DIP2B: variants seen among roughly 807,000 people sequenced by gnomAD.
DIP2B encodes the protein disco-interacting protein 2 homolog B.
Under a neutral mutation model 198.0 loss-of-function variants are expected in DIP2B, and 76 were observed. That is an observed-to-expected ratio of 0.38 (90% confidence interval 0.32 to 0.46). The LOEUF (loss-of-function observed/expected upper bound fraction) is 0.46, where lower values mean the gene tolerates loss of function less well. Ranked by LOEUF, DIP2B falls within the 20% of genes least tolerant of loss-of-function variation. DIP2B has a pLI of 0.99. For synonymous variants in DIP2B, 701 were observed against 739.1 expected (o/e 0.95, Z 0.84); for missense variants, 1,559 against 1,978.4 (o/e 0.79, Z 4.02).
intron 1 of DIP2B, among the ~76,000 whole-genome samples, chr12:50,603,772 G>T (rs1958958956): frequency 6.6e-6 from 1 of 152,184 alleles, no homozygotes; most frequent in Non-Finnish European, 1.5e-5. Flanking sequence ...GCAGAGAAGA[G>T]AAGGGAGAGG....
At chr12:50,653,321 T>A (rs1277172598) in intron 3 of DIP2B, among the ~76,000 whole-genome samples, 1 of 140,416 alleles carries the variant, frequency 7.1e-6, no homozygotes, top group Admixed American at 7.3e-5. Flanking sequence ...CATAGTAGTC[T>A]TTCTTTCTTT....
At chr12:50,620,046 T>C (rs1937778736) in intron 1 of DIP2B, among the ~76,000 whole-genome samples, 1 of 152,176 alleles carries the variant, frequency 6.6e-6, no homozygotes, top group South Asian at 2.1e-4. Context: ...AGACCCTGTC[T>C]TAGAAAAAGA....
At chr12:50,629,805 T>A (rs1193796918) in intron 2 of DIP2B, among the ~76,000 whole-genome samples, 1 of 152,130 alleles carries the variant, frequency 6.6e-6, no homozygotes. Flanking sequence ...TTTTCTCTTT[T>A]GAGTGAATAC....
intron 2 of DIP2B, among the ~76,000 whole-genome samples, chr12:50,639,090 A>T (rs1593677510): frequency 1.4e-5 from 2 of 139,138 alleles, no homozygotes; most frequent in African/African-American, 2.7e-5. Context: ...AGTCTCCACA[A>T]TTTTTTTTTT....
At chr12:50,518,944 T>C (rs1018031879) in intron 1 of DIP2B, among the ~76,000 whole-genome samples, 3 of 152,124 alleles carry the variant, frequency 2.0e-5, no homozygotes, top group African/African-American at 7.2e-5. Context: ...TCTCACTTTG[T>C]TGCTGCCCAG....
chr12:50,546,920 C>T (rs575137070), intron 1 of DIP2B, among the ~76,000 whole-genome samples: 2 of 152,218 alleles, frequency 1.3e-5, no homozygotes, highest in South Asian at 2.1e-4. Context: ...AACACATTAC[C>T]TATAATACAA....
At chr12:50,512,045 C>A (rs545851993) in intron 1 of DIP2B, among the ~76,000 whole-genome samples, 22 of 151,066 alleles carry the variant, frequency 1.5e-4, no homozygotes, top group Non-Finnish European at 2.8e-4. Flanking sequence ...TTGGCTCCCC[C>A]AAAGTGCTGA....
intron 1 of DIP2B, among the ~76,000 whole-genome samples, chr12:50,508,435 A>T (rs1439418053): frequency 6.6e-6 from 1 of 152,218 alleles, no homozygotes; most frequent in Admixed American, 6.5e-5. Context: ...CCAATAATAC[A>T]TTATATTTGT....
chr12:50,505,057 C>T lies in DIP2B; in HGVS notation c.-84C>T. 3.8e-6 allele frequency: 5 copies of T among 1,329,952 alleles called. No homozygotes were observed. Among genetic ancestry groups the T allele is most frequent in the Non-Finnish European group, 5.1e-6 (5 of 976,178 alleles). The allele number at this position is 1,329,952 out of a possible 1,614,324, so 82.4% of individuals were successfully genotyped here. ...GGTGCTCGGCGGCCGGAGCCGGATC[C>T]TGTAGCCGGGTGTGGGCCCGTGTCT... On this transcript the variant is annotated 5_prime_UTR_variant, in exon 1 of 38. Coordinates refer to ENST00000301180, the MANE Select transcript of DIP2B (RefSeq NM_173602.3).
At chr12:50,586,399 G>C (rs150101534) in intron 1 of DIP2B, among the ~76,000 whole-genome samples, 2 of 152,096 alleles carry the variant, frequency 1.3e-5, no homozygotes, top group Non-Finnish European at 2.9e-5. Flanking sequence ...TGCCCAAAAA[G>C]TGATGGGACT....
intron 3 of DIP2B, among the ~76,000 whole-genome samples, chr12:50,649,768 A>G (rs1565858423): frequency 6.6e-6 from 1 of 152,136 alleles, no homozygotes; most frequent in Non-Finnish European, 1.5e-5. Flanking sequence ...AGGCATGAGA[A>G]TCACTTGAAC....
At chr12:50,567,818 G>A (rs1175060223) in intron 1 of DIP2B, among the ~76,000 whole-genome samples, 3 of 152,200 alleles carry the variant, frequency 2.0e-5, no homozygotes, top group African/African-American at 7.2e-5. Flanking sequence ...ATGAGCCATC[G>A]TGCCCGGCCT....
intron 35 of DIP2B, among the ~76,000 whole-genome samples, chr12:50,738,446 C>T (rs1940177009): frequency 6.6e-6 from 1 of 152,110 alleles, no homozygotes; most frequent in African/African-American, 2.4e-5. Context: ...GAGTTTGAGG[C>T]CAACTGGGCA....
intron 1 of DIP2B, among the ~76,000 whole-genome samples, chr12:50,530,590 C>G (rs1958208502): frequency 6.6e-6 from 1 of 152,112 alleles, no homozygotes; most frequent in African/African-American, 2.4e-5. Flanking sequence ...TAAATAAGAG[C>G]AGGTAAGACA....
At chr12:50,512,917 G>C (rs951065059) in intron 1 of DIP2B, among the ~76,000 whole-genome samples, 2 of 152,190 alleles carry the variant, frequency 1.3e-5, no homozygotes, top group Non-Finnish European at 2.9e-5. Context: ...TGAGGCAGGA[G>C]AATTGCTTGA....
intron 1 of DIP2B, among the ~76,000 whole-genome samples, chr12:50,513,204 A>G (rs1326999540): frequency 6.6e-6 from 1 of 152,218 alleles, no homozygotes; most frequent in South Asian, 2.1e-4. Flanking sequence ...ATAAGGTTAT[A>G]TATGAAGTGA....
intron 1 of DIP2B, among the ~76,000 whole-genome samples, chr12:50,525,378 CAG>C: frequency 6.9e-6 from 1 of 145,878 alleles, no homozygotes; most frequent in South Asian, 2.2e-4. Flanking sequence ...AAAAAAAATA[CAG>C]AGAATACCGG....
intron 1 of DIP2B, among the ~76,000 whole-genome samples, chr12:50,562,104 A>G (rs1593610943): frequency 6.6e-6 from 1 of 152,294 alleles, no homozygotes; most frequent in Non-Finnish European, 1.5e-5. Flanking sequence ...AGTGACAGTA[A>G]ATTATTTTAG....
intron 16 of DIP2B, 53 bp downstream of exon 16, chr12:50,696,020 G>T: frequency 1.2e-6 from 2 of 1,609,972 alleles, no homozygotes; most frequent in Non-Finnish European, 1.7e-6. Context: ...TGATAGATTA[G>T]GGTTTTTCGC....
Sources: gnomAD v4.1 joint callset for allele counts (sites outside exome capture counted in the v4.1 genomes callset) on GRCh38, gnomAD v4.1.1 for gene constraint, MANE v1.5 for transcripts, NCBI Gene and HGNC (gene_info 2026-07-23, HGNC 2026-07-21) for gene names.